The following EML5 variants were observed in gnomAD, a reference collection of about 807,000 sequenced individuals.
EML5 encodes EMAP like 5, also known as echinoderm microtubule-associated protein-like 5.
In EML5, 120 loss-of-function variants were observed where a neutral mutation model predicts 250.0. The ratio of observed to expected loss-of-function variants is 0.48; its 90% CI spans 0.41 to 0.56. The LOEUF (loss-of-function observed/expected upper bound fraction) is 0.56. Among genes scored for constraint, EML5 ranks in the 20% least tolerant of loss-of-function variants. The probability of loss-of-function intolerance (pLI) is 0.00; values close to 1 mark genes in which losing one functional copy is unlikely to be tolerated. For synonymous variants in EML5, 771 were observed against 806.5 expected (o/e 0.96, Z 0.75); for missense variants, 2,006 against 2,437.6 (o/e 0.82, Z 3.73).
At chr14:88,735,695 C>A (rs1721597233) in intron 7 of EML5, among the ~76,000 whole-genome samples, 2 of 152,012 alleles carry the variant, frequency 1.3e-5, no homozygotes, top group Admixed American at 1.3e-4. Flanking sequence ...CATACATGTA[C>A]AAAATGACAA....
At chr14:88,761,841 C>T (rs895082077) in intron 1 of EML5, among the ~76,000 whole-genome samples, 1 of 152,180 alleles carries the variant, frequency 6.6e-6, no homozygotes, top group Non-Finnish European at 1.5e-5. Flanking sequence ...TTCTCCACAT[C>T]CTCTCCAGCA....
At position 88,704,909 on chromosome 14, in the gene EML5, T is replaced by C; in HGVS notation, c.2002A>G (p.Arg668Gly). 6.2e-7 allele frequency: 1 copy of C among 1,613,276 alleles called. No individual in the cohort carries two copies. Among genetic ancestry groups the C allele is most frequent in the Non-Finnish European group, 8.5e-7 (1 of 1,179,518 alleles). ...KEKQKSATSK[R>G]RERAPGNSIR... Reference sequence around the variant, plus strand: ...CTATTTCCTGGAGCCCGCTCTCTTCTTTTAGAAGTAGCACTTTTTTGTTTC... The same window carrying C: ...CTATTTCCTGGAGCCCGCTCTCTTCCTTTAGAAGTAGCACTTTTTTGTTTC... The change falls in exon 13 of 44, where the codon AGA becomes GGA. Residue 668 changes from arginine (R) to glycine (G), a missense_variant. Arg to Gly is a moderately radical substitution (Grantham distance 125). This residue lies in a region of EML5 where 1,375 missense variants were observed against 1,590.3 expected (regional missense o/e 0.86). Transcript: ENST00000554922.
chr14:88,739,638 G>A (rs1374354745), intron 5 of EML5, among the ~76,000 whole-genome samples: 2 of 152,168 alleles, frequency 1.3e-5, no homozygotes, highest in African/African-American at 2.4e-5. Flanking sequence ...TTCTAGGCAT[G>A]GCAGATCACC....
chr14:88,779,464 G>C (rs767234222), intron 1 of EML5, among the ~76,000 whole-genome samples: 1 of 152,108 alleles, frequency 6.6e-6, no homozygotes, highest in East Asian at 1.9e-4. Context: ...ATAATGGCAC[G>C]TCTTTCATTT....
intron 27 of EML5, among the ~76,000 whole-genome samples, chr14:88,655,893 A>G: frequency 6.6e-6 from 1 of 152,236 alleles, no homozygotes. Flanking sequence ...TCATTAGAGA[A>G]ATGCAAATCG....
chr14:88,626,544 G>C lies in EML5; in HGVS notation c.4740+294C>G, dbSNP rs538717430. 1.0e-4 allele frequency: 33 copies of C among 314,868 alleles called. 1 individual carries two copies. The South Asian group carries it at 1.4e-3, about 14-fold the overall frequency. 19.5% of individuals were successfully genotyped at this position (314,868 alleles called of 1,614,324 possible). ...GAGGCTGAGGATCACTTGAACCTGG[G>C]AGATGGAGGCTACAGTGAGCTATAA... On this transcript the variant is annotated intron_variant, in intron 35 of 43. Transcript: ENST00000554922.
At chr14:88,709,859 C>A (rs554564973) in intron 10 of EML5, among the ~76,000 whole-genome samples, 4 of 152,248 alleles carry the variant, frequency 2.6e-5, no homozygotes, top group Non-Finnish European at 5.9e-5. Context: ...AAGCTACACG[C>A]AACAATATGG....
chr14:88,664,903 T>C (rs1397397118), intron 22 of EML5, among the ~76,000 whole-genome samples: 4 of 152,182 alleles, frequency 2.6e-5, no homozygotes, highest in Non-Finnish European at 5.9e-5. Context: ...AAACTCCCTC[T>C]AAATTTAGAA....
chr14:88,746,406 A>G (rs2094005105), intron 2 of EML5, 123 bp from the exon 3 acceptor site: 2 of 724,524 alleles, frequency 2.8e-6, no homozygotes, highest in East Asian at 2.7e-5. Context: ...ATATATGCCT[A>G]TATTTTATAG....
chr14:88,724,324 A>G (rs2093635789), intron 8 of EML5, among the ~76,000 whole-genome samples: 1 of 151,852 alleles, frequency 6.6e-6, no homozygotes, highest in Non-Finnish European at 1.5e-5. Flanking sequence ...CTGCTTTACC[A>G]TATGGAGAAT....
intron 7 of EML5, among the ~76,000 whole-genome samples, chr14:88,729,872 T>TG (rs2093727527): frequency 8.9e-6 from 1 of 112,446 alleles, no homozygotes; most frequent in Non-Finnish European, 1.6e-5. Context: ...TGTTTTTTGT[T>TG]TTTTTTTTTT....
In EML5 at chr14:88,613,387, T is replaced by C. The variant is rs1320327344; in HGVS notation, c.*2431A>G. 6.6e-6 allele frequency: 1 copy of C among 152,020 alleles called. No homozygotes were observed. The highest frequency in any genetic ancestry group is 1.5e-5 in the Non-Finnish European group (1 of 68,028). The allele number at this position is 152,020 out of a possible 1,614,324, so 9.4% of individuals were successfully genotyped here. A position where few individuals can be genotyped will look rare whatever the true frequency, so the allele number is the denominator to read the frequency against. ...TTGTTTAAATATCTGGAAATACTTTTAGCTATCATTTATAAAGATAGTTTT... is the reference window on the plus strand; with the variant it reads ...TTGTTTAAATATCTGGAAATACTTTCAGCTATCATTTATAAAGATAGTTTT... On this transcript the variant is annotated 3_prime_UTR_variant, in exon 44 of 44. Transcript: ENST00000554922.
chr14:88,662,891 C>G, intron 24 of EML5, 140 bp downstream of exon 24: 1 of 617,032 alleles, frequency 1.6e-6, no homozygotes, highest in South Asian at 2.5e-5. Context: ...TGTATTCTGA[C>G]TCAATAAACT....
At chr14:88,719,294 G>A (rs2093553064) in intron 8 of EML5, among the ~76,000 whole-genome samples, 1 of 150,934 alleles carries the variant, frequency 6.6e-6, no homozygotes, top group African/African-American at 2.4e-5. Flanking sequence ...ACTGAGATGG[G>A]AGGATCGCTT....
chr14:88,729,780 T>TG (rs894765193), intron 7 of EML5, among the ~76,000 whole-genome samples: 9 of 152,020 alleles, frequency 5.9e-5, no homozygotes, highest in African/African-American at 2.2e-4. Flanking sequence ...AGGCTGGTCT[T>TG]GAACTCTTGG....
chr14:88,753,722 G>A (rs942012087), intron 2 of EML5, among the ~76,000 whole-genome samples: 3 of 152,128 alleles, frequency 2.0e-5, no homozygotes, highest in African/African-American at 7.2e-5. Flanking sequence ...TTAGTCAGTT[G>A]AATGATAATT....
At chr14:88,783,981 A>T (rs2094524944) in intron 1 of EML5, among the ~76,000 whole-genome samples, 1 of 152,226 alleles carries the variant, frequency 6.6e-6, no homozygotes, top group Non-Finnish European at 1.5e-5. Context: ...CCACAATGGA[A>T]TAAAACTAGA....
intron 8 of EML5, among the ~76,000 whole-genome samples, chr14:88,717,786 C>CAACAAA (rs1293893094): frequency 2.0e-5 from 3 of 149,202 alleles, no homozygotes; most frequent in Non-Finnish European, 4.4e-5. Flanking sequence ...ACAACAACAA[C>CAACAAA]AAAACAAATT....
intron 1 of EML5, among the ~76,000 whole-genome samples, chr14:88,771,889 G>A (rs1044892739): frequency 6.6e-6 from 1 of 152,122 alleles, no homozygotes; most frequent in Non-Finnish European, 1.5e-5. Flanking sequence ...GAATATTAAA[G>A]TGTATGAGGG....
Sources: allele counts gnomAD v4.1 joint callset (sites outside exome capture counted in the v4.1 genomes callset), GRCh38; gene constraint gnomAD v4.1.1; regional missense constraint gnomAD v4.1.1; transcripts MANE v1.5; gene names NCBI Gene and HGNC (gene_info 2026-07-23, HGNC 2026-07-21).